The following PAFAH1B2 variants were observed in gnomAD, a reference collection of about 807,000 sequenced individuals.
The protein encoded by PAFAH1B2 is platelet-activating factor acetylhydrolase IB subunit alpha2.
A neutral mutation model predicts 28.0 loss-of-function variants in PAFAH1B2; 8 were observed. The ratio of observed to expected loss-of-function variants is 0.29; its 90% CI spans 0.17 to 0.52. The LOEUF (loss-of-function observed/expected upper bound fraction) is 0.52. Among genes scored for constraint, PAFAH1B2 ranks in the 20% least tolerant of loss-of-function variants. The pLI, the probability that PAFAH1B2 is intolerant of heterozygous loss-of-function variation, is 0.97. For missense variants in PAFAH1B2, 190 were observed against 282.6 expected, an observed-to-expected ratio of 0.67 and a Z score of 2.35; for synonymous variants, 104 against 103.2, an observed-to-expected ratio of 1.01 and a Z score of -0.05.
chr11:117,147,205 T>C (rs1161989123), intron 1 of PAFAH1B2, among the ~76,000 whole-genome samples: 1 of 151,768 alleles, frequency 6.6e-6, no homozygotes, highest in Non-Finnish European at 1.5e-5. Flanking sequence ...GAGGCGGAGG[T>C]TGCAGTGAGC....
intron 1 of PAFAH1B2, among the ~76,000 whole-genome samples, chr11:117,150,016 A>G (rs1336623377): frequency 1.3e-5 from 2 of 152,152 alleles, no homozygotes; most frequent in East Asian, 1.9e-4. Context: ...AAAAACAAAA[A>G]AAAGACCTTG....
Position 117,170,891 on chromosome 11 carries a change from G to C in PAFAH1B2, c.*3192G>C, listed in dbSNP as rs1391101503. On this transcript the variant is annotated 3_prime_UTR_variant, in exon 6 of 6. Coordinates refer to ENST00000527958, the MANE Select transcript of PAFAH1B2 (RefSeq NM_002572.4). ...AGGCTTTTTGGAGAGGGGTCCCCCA[G>C]GTTTCTTGGTGTTCCTGCTTGGGGA... 9.4e-7 allele frequency: 1 copy of C among 1,060,444 alleles called. No homozygotes were observed. The highest frequency in any genetic ancestry group is 1.1e-6 in the Non-Finnish European group (1 of 876,172). The allele number at this position is 1,060,444 out of a possible 1,614,324, so 65.7% of individuals were successfully genotyped here. A position where few individuals can be genotyped will look rare whatever the true frequency, so the allele number is the denominator to read the frequency against.
rs547693909 is a variant in PAFAH1B2 at position 117,152,475 on chromosome 11, G to C, written c.28G>C (p.Ala10Pro). The C allele has an allele frequency of 1.2e-6, 2 of 1,613,906 alleles. No individual in the cohort carries two copies. Among genetic ancestry groups the C allele is most frequent in the Admixed American group, 3.3e-5 (2 of 60,010 alleles). ...GAGCCAAGGAGACTCAAACCCAGCA[G>C]CTATTCCGCATGCAGCAGAAGATAT... MSQGDSNPA[A>P]IPHAAEDIQG... The change falls in exon 2 of 6, where the codon GCT becomes CCT. Residue 10 changes from alanine (A) to proline (P), a missense_variant. Coordinates refer to ENST00000527958, the MANE Select transcript of PAFAH1B2 (RefSeq NM_002572.4).
chr11:117,172,174 A>G (rs1956662839), downstream of PAFAH1B2, among the ~76,000 whole-genome samples: 1 of 152,048 alleles, frequency 6.6e-6, no homozygotes, highest in African/African-American at 2.4e-5. Flanking sequence ...ACAAACCAAC[A>G]TGAGAATCTG....
downstream of PAFAH1B2, chr11:117,171,538 GAAAA>G (rs543577332): frequency 7.1e-5 from 33 of 466,926 alleles, no homozygotes; most frequent in Non-Finnish European, 1.1e-4. Flanking sequence ...TCTTGTCTCG[GAAAA>G]AAAAAAAAAT....
downstream of PAFAH1B2, among the ~76,000 whole-genome samples, chr11:117,173,633 G>T (rs1956719721): frequency 6.6e-6 from 1 of 152,204 alleles, no homozygotes; most frequent in Non-Finnish European, 1.5e-5. Flanking sequence ...AGTGACTGTA[G>T]AACTTTTTGA....
chr11:117,176,428 T>G lies in PAFAH1B2; in HGVS notation c.*1530T>G, dbSNP rs1236845472. 8 of 213,618 alleles carry G rather than the reference T, an allele frequency of 3.7e-5. No homozygotes were observed. In the Admixed American group the frequency reaches 4.7e-4, roughly 13 times the overall value. The allele number at this position is 213,618 out of a possible 1,614,324, so 13.2% of individuals were successfully genotyped here. ...TAACTGATCATAAGGTAAAATAGTC[T>G]TCATTGGAACAAGGCTCCAGATAGT... On this transcript the variant is annotated 3_prime_UTR_variant, in exon 6 of 6. Transcript: ENST00000419197.
intron 4 of PAFAH1B2, among the ~76,000 whole-genome samples, chr11:117,163,474 C>T (rs1565270563): frequency 6.6e-6 from 1 of 152,112 alleles, no homozygotes; most frequent in African/African-American, 2.4e-5. Context: ...GAGTTTGAGA[C>T]CAGCCTGGGC....
intron 1 of PAFAH1B2, among the ~76,000 whole-genome samples, chr11:117,145,145 C>T (rs368661776): frequency 7.9e-5 from 12 of 152,130 alleles, no homozygotes; most frequent in African/African-American, 2.9e-4. Context: ...CAAGGTCAGC[C>T]AGCTAGATAA....
chr11:117,145,107 A>G (rs1028684769), intron 1 of PAFAH1B2, among the ~76,000 whole-genome samples: 12 of 152,138 alleles, frequency 7.9e-5, no homozygotes, highest in Non-Finnish European at 1.8e-4. Context: ...TTAGACATGA[A>G]TGTGCTCGGA....
chr11:117,161,061 T>G, intron 3 of PAFAH1B2, 84 bp from the exon 4 acceptor site: 2 of 845,504 alleles, frequency 2.4e-6, no homozygotes, highest in East Asian at 2.5e-5. Flanking sequence ...AAAAAGGAAA[T>G]TAATGCCTTG....
At chr11:117,144,874 C>CT (rs1221067210) in intron 1 of PAFAH1B2, among the ~76,000 whole-genome samples, 3 of 152,178 alleles carry the variant, frequency 2.0e-5, no homozygotes, top group African/African-American at 7.2e-5. Flanking sequence ...TCACAGGGGT[C>CT]TAACTTCTCA....
chr11:117,173,589 G>T (rs1241576592), downstream of PAFAH1B2, among the ~76,000 whole-genome samples: 3 of 151,912 alleles, frequency 2.0e-5, no homozygotes, highest in African/African-American at 4.8e-5. Context: ...CTCCTTATGT[G>T]CCAGGGCAAC....
intron 1 of PAFAH1B2, among the ~76,000 whole-genome samples, chr11:117,144,743 GC>G (rs1955953905): frequency 7.4e-6 from 1 of 134,798 alleles, no homozygotes; most frequent in Non-Finnish European, 1.7e-5. Context: ...CGGGCGCCCC[GC>G]CCCGCCCTGC....
intron 1 of PAFAH1B2, among the ~76,000 whole-genome samples, chr11:117,151,575 C>T (rs1266830265): frequency 1.3e-5 from 2 of 152,046 alleles, no homozygotes; most frequent in Admixed American, 1.3e-4. Context: ...AATAAAAATA[C>T]CTAGTAAACA....
intron 1 of PAFAH1B2, among the ~76,000 whole-genome samples, chr11:117,150,767 C>G (rs1292116173): frequency 5.9e-5 from 9 of 152,098 alleles, no homozygotes; most frequent in Non-Finnish European, 4.4e-5. Flanking sequence ...AGATGACCTC[C>G]TTTTCTTCAG....
chr11:117,151,942 C>G (rs893056348), intron 1 of PAFAH1B2, among the ~76,000 whole-genome samples: 10 of 152,212 alleles, frequency 6.6e-5, no homozygotes, highest in African/African-American at 2.2e-4. Context: ...CTCCTGACCT[C>G]GTGATCCACC....
chr11:117,150,015 A>T (rs879649941), intron 1 of PAFAH1B2, among the ~76,000 whole-genome samples: 3 of 152,144 alleles, frequency 2.0e-5, no homozygotes, highest in Non-Finnish European at 4.4e-5. Flanking sequence ...CAAAAACAAA[A>T]AAAAGACCTT....
chr11:117,172,346 CTT>C, downstream of PAFAH1B2, among the ~76,000 whole-genome samples: 3 of 105,160 alleles, frequency 2.9e-5, no homozygotes, highest in Admixed American at 2.3e-4. Flanking sequence ...TTCATTCTAG[CTT>C]TATATATATA....
Sources: gnomAD v4.1 joint callset for allele counts (sites outside exome capture counted in the v4.1 genomes callset) on GRCh38, gnomAD v4.1.1 for gene constraint, MANE v1.5 for transcripts, NCBI Gene and HGNC (gene_info 2026-07-23, HGNC 2026-07-21) for gene names.